Variants in CFAP161 observed in about 807,000 individuals in gnomAD.
CFAP161 encodes the protein cilia- and flagella-associated protein 161.
CFAP161 carries 25 observed loss-of-function variants against 29.0 expected under a neutral mutation model. That is an observed-to-expected ratio of 0.86 (90% CI 0.63 to 1.20). The LOEUF (loss-of-function observed/expected upper bound fraction) is 1.20. Among genes scored for constraint, CFAP161 ranks in the 50% most tolerant of loss-of-function variants. The probability of loss-of-function intolerance (pLI) is 0.00; values close to 1 mark genes in which losing one functional copy is unlikely to be tolerated. For synonymous variants in CFAP161, 116 were observed against 137.4 expected, an observed-to-expected ratio of 0.84 and a Z score of 1.09; for missense variants, 367 against 371.9, an observed-to-expected ratio of 0.99 and a Z score of 0.11.
At chr15:81,131,888 A>G (rs1048429553), upstream of CFAP161, among the ~76,000 whole-genome samples, 4 of 152,344 alleles carry the variant, frequency 2.6e-5, no homozygotes, top group South Asian at 8.3e-4. Flanking sequence ...ATCTAGTTAA[A>G]ATATTAAAGA....
intron 1 of CFAP161, chr15:81,118,247 T>C: frequency 2.0e-6 from 1 of 509,300 alleles, no homozygotes; most frequent in Non-Finnish European, 3.7e-6. Context: ...CCTACATTTA[T>C]TAAACGGAGG....
At chr15:81,137,415 C>T (rs1297693098) in intron 3 of CFAP161, among the ~76,000 whole-genome samples, 3 of 151,754 alleles carry the variant, frequency 2.0e-5, no homozygotes, top group Non-Finnish European at 4.4e-5. Flanking sequence ...GCCAACATGT[C>T]GAAACCCCAT....
chr15:81,148,572 C>T lies in CFAP161; in HGVS notation c.*39C>T, dbSNP rs1317203951. ...TGCATGTTTTCCCTGGTCCCGCTCT[C>T]ATCAAATGTAGCTTTAAAAGAAATT... On this transcript the variant is annotated 3_prime_UTR_variant, in exon 7 of 7. Transcript: ENST00000286732. 4.5e-6 allele frequency: 7 copies of T among 1,548,048 alleles called. No homozygotes were observed. Among genetic ancestry groups the T allele is most frequent in the South Asian group, 2.4e-5 (2 of 82,106 alleles).
chr15:81,127,892 T>G (rs1037794987), intron 2 of CFAP161, among the ~76,000 whole-genome samples: 1 of 152,194 alleles, frequency 6.6e-6, no homozygotes, highest in African/African-American at 2.4e-5. Flanking sequence ...GGACTATGCA[T>G]GCCATAGTAA....
intron 1 of CFAP161, among the ~76,000 whole-genome samples, chr15:81,118,691 C>A (rs1282594026): frequency 6.6e-6 from 1 of 152,274 alleles, no homozygotes; most frequent in Non-Finnish European, 1.5e-5. Flanking sequence ...CCGGGCTGTA[C>A]TCTAGCGAGG....
At chr15:81,107,263 A>G (rs550248404) in intron 1 of CFAP161, among the ~76,000 whole-genome samples, 25 of 152,302 alleles carry the variant, frequency 1.6e-4, no homozygotes, top group Non-Finnish European at 3.4e-4. Context: ...CACACACGTC[A>G]TCTTACATAC....
intron 1 of CFAP161, among the ~76,000 whole-genome samples, chr15:81,109,462 A>C (rs927131082): frequency 5.3e-5 from 8 of 152,304 alleles, no homozygotes; most frequent in African/African-American, 1.9e-4. Context: ...ATCAAGTAGA[A>C]AGTTTGTTCA....
intron 2 of CFAP161, among the ~76,000 whole-genome samples, chr15:81,128,719 TC>T (rs1455916127): frequency 3.3e-5 from 5 of 152,212 alleles, no homozygotes; most frequent in African/African-American, 1.2e-4. Flanking sequence ...CTTAATGGCA[TC>T]TAGAATGGCA....
At chr15:81,110,726 C>G (rs1194026789) in intron 1 of CFAP161, among the ~76,000 whole-genome samples, 1 of 152,166 alleles carries the variant, frequency 6.6e-6, no homozygotes, top group Non-Finnish European at 1.5e-5. Flanking sequence ...CCCAAGTGGT[C>G]AGCTTCGGTG....
intron 1 of CFAP161, among the ~76,000 whole-genome samples, chr15:81,106,629 G>A (rs567539196): frequency 6.6e-6 from 1 of 152,324 alleles, no homozygotes; most frequent in Non-Finnish European, 1.5e-5. Flanking sequence ...CATTTTTCTA[G>A]TCACAAATCA....
chr15:81,145,740 G>A (rs956262547), intron 5 of CFAP161, among the ~76,000 whole-genome samples: 1 of 152,232 alleles, frequency 6.6e-6, no homozygotes, highest in African/African-American at 2.4e-5. Flanking sequence ...AGGAACAACT[G>A]TGGTTTAACA....
chr15:81,147,078 C>A (rs765594693), intron 5 of CFAP161, among the ~76,000 whole-genome samples: 68 of 151,598 alleles, frequency 4.5e-4, no homozygotes, highest in Middle Eastern at 6.8e-3. Context: ...TATGAATGCT[C>A]CCTCTGCCCT....
intron 1 of CFAP161, among the ~76,000 whole-genome samples, chr15:81,121,707 T>C (rs1024014679): frequency 1.3e-5 from 2 of 152,196 alleles, no homozygotes; most frequent in African/African-American, 4.8e-5. Flanking sequence ...CCCCATAACA[T>C]ATTTTTTTTA....
chr15:81,133,226 TA>T (rs1383111904), upstream of CFAP161, among the ~76,000 whole-genome samples: 253 of 24,488 alleles, frequency 0.01, 15 homozygotes, highest in Non-Finnish European at 0.023. Flanking sequence ...TATATATATG[TA>T]TTTTTTTTTA....
At chr15:81,140,895 T>C (rs1395255588) in intron 4 of CFAP161, among the ~76,000 whole-genome samples, 1 of 152,172 alleles carries the variant, frequency 6.6e-6, no homozygotes, top group Non-Finnish European at 1.5e-5. Flanking sequence ...CCCAGTTCTC[T>C]ATTTTTATTC....
chr15:81,132,105 C>T (rs1463892932), upstream of CFAP161, among the ~76,000 whole-genome samples: 1 of 152,106 alleles, frequency 6.6e-6, no homozygotes, highest in African/African-American at 2.4e-5. Context: ...GGTAAAACCC[C>T]ATCTCTACTA....
intron 1 of CFAP161, among the ~76,000 whole-genome samples, chr15:81,104,247 T>C (rs1894335960): frequency 1.3e-5 from 2 of 152,214 alleles, no homozygotes; most frequent in Admixed American, 1.3e-4. Context: ...CAGGGACTGG[T>C]TCAGTCAAAT....
intron 4 of CFAP161, among the ~76,000 whole-genome samples, chr15:81,140,149 A>T (rs963291709): frequency 6.6e-6 from 1 of 151,480 alleles, no homozygotes; most frequent in Non-Finnish European, 1.5e-5. Context: ...AAATTTTGTC[A>T]TATGTGTTGC....
At chr15:81,101,360 C>G (rs1277722348) in intron 1 of CFAP161, among the ~76,000 whole-genome samples, 1 of 151,494 alleles carries the variant, frequency 6.6e-6, no homozygotes, top group Non-Finnish European at 1.5e-5. Context: ...AACCCTGACT[C>G]TATTAAAAAT....
Sources: allele counts gnomAD v4.1 joint callset (sites outside exome capture counted in the v4.1 genomes callset), GRCh38; gene constraint gnomAD v4.1.1; transcripts MANE v1.5; gene names NCBI Gene and HGNC (gene_info 2026-07-23, HGNC 2026-07-21).